C2orf78: variants seen among roughly 807,000 people sequenced by gnomAD.
C2orf78 encodes the protein uncharacterized protein C2orf78.
C2orf78 carries 12 observed loss-of-function variants against 21.4 expected under a neutral mutation model. The observed-to-expected ratio is 0.56, with a 90% CI of 0.36 to 0.91. The LOEUF (loss-of-function observed/expected upper bound fraction) is 0.91. C2orf78 is among the 40% of genes least tolerant of loss of function. The pLI is 0.01. For synonymous variants in C2orf78, 396 were observed against 413.9 expected (o/e 0.96, Z 0.52); for missense variants, 1,042 against 1,092.4 (o/e 0.95, Z 0.65).
chr2:73,815,946 G>T (rs112232290), exon 3 of C2orf78: 1 of 1,613,790 alleles, frequency 6.2e-7, no homozygotes, highest in Non-Finnish European at 8.5e-7. Context: ...AAAGACCAAA[G>T]GGAACAGAAA....
chr2:73,808,856 T>C (rs1673011987), intron 1 of C2orf78: 5 of 1,323,608 alleles, frequency 3.8e-6, no homozygotes, highest in Non-Finnish European at 5.2e-6. Flanking sequence ...CGTCTCTTCT[T>C]CCCTTCTATC....
At chr2:73,809,836 C>T (rs1484723144) in intron 1 of C2orf78, among the ~76,000 whole-genome samples, 1 of 152,018 alleles carries the variant, frequency 6.6e-6, no homozygotes, top group African/African-American at 2.4e-5. Context: ...ACATTCCTAT[C>T]TAAACTAGGT....
In C2orf78 at chr2:73,807,980, G is replaced by T. The variant is rs375420940; in HGVS notation, c.98-5497G>T. Among the ~76,000 whole-genome samples, 5 of 151,132 alleles carry T rather than the reference G, an allele frequency of 3.3e-5. No individual in the cohort carries two copies. In the East Asian group the frequency reaches 9.6e-4, roughly 29 times the overall value. The stretch of plus-strand genomic sequence containing the variant: ...CCCTTAAAATCGGCAGTAGGGCCGG[G>T]TGCGGTGGCTCCCGCCTGTAATCCC... On this transcript the variant is annotated intron_variant, in intron 1 of 2. Coordinates refer to ENST00000409561, the Ensembl canonical transcript of C2orf78.
At position 73,814,035 on chromosome 2, in the gene C2orf78, T is replaced by C. The variant is rs188489910; in HGVS notation, c.656T>C (p.Leu219Pro). The C allele has an allele frequency of 1.9e-6, 3 of 1,614,006 alleles. No individual in the cohort carries two copies. The Admixed American group carries it at 5.0e-5, about 27-fold the overall frequency. Residue 219 changes from leucine to proline, a missense_variant, in exon 2 of 3, where the codon CTG becomes CCG. Transcript: ENST00000409561. ...GTCTATTACTATAATCAAGGCACAC[T>C]GGGGCCTCAACTATCCTGCCTGCAA... is the stretch of plus-strand genomic sequence containing the variant.
chr2:73,810,402 C>T (rs1324868284), intron 1 of C2orf78, among the ~76,000 whole-genome samples: 1 of 151,404 alleles, frequency 6.6e-6, no homozygotes, highest in Admixed American at 6.6e-5. Context: ...TGGCACATGC[C>T]TGTAATCCCA....
chr2:73,809,340 A>G (rs1429215455), intron 1 of C2orf78, among the ~76,000 whole-genome samples: 1 of 152,154 alleles, frequency 6.6e-6, no homozygotes, highest in Non-Finnish European at 1.5e-5. Flanking sequence ...CGTATTTTAA[A>G]TTTAGTGATG....
chr2:73,786,297 T>C (rs917042613), intron 1 of C2orf78, among the ~76,000 whole-genome samples: 1 of 151,466 alleles, frequency 6.6e-6, no homozygotes, highest in African/African-American at 2.4e-5. Flanking sequence ...CAGAATTGCT[T>C]GAACCAGGGA....
rs1673221266 is a variant in C2orf78 at position 73,817,145 on chromosome 2, T to C, written c.*153T>C. On this transcript the variant is annotated 3_prime_UTR_variant, in exon 3 of 3. Coordinates refer to ENST00000409561, the Ensembl canonical transcript of C2orf78. The stretch of plus-strand genomic sequence containing the variant: ...AAGTAATAAAGAGGCCTTTTGAGTT[T>C]TGAGATGCTGTTGACTGTGGGTTTT... 7 of 857,830 alleles carry C rather than the reference T, an allele frequency of 8.2e-6. No individual in the cohort carries two copies. In the South Asian group the frequency reaches 1.1e-4, roughly 13 times the overall value. The allele number at this position is 857,830 out of a possible 1,614,324, so 53.1% of individuals were successfully genotyped here. A position where few individuals can be genotyped will look rare whatever the true frequency, so the allele number is the denominator to read the frequency against.
chr2:73,815,206 C>T, exon 3 of C2orf78: 2 of 1,614,010 alleles, frequency 1.2e-6, no homozygotes, highest in Non-Finnish European at 1.7e-6. Context: ...AGTAACCCAT[C>T]ACCTGAGCTT....
intron 1 of C2orf78, among the ~76,000 whole-genome samples, chr2:73,810,137 G>T (rs1673049118): frequency 6.6e-6 from 1 of 152,128 alleles, no homozygotes; most frequent in African/African-American, 2.4e-5. Flanking sequence ...AGTATCCCTA[G>T]AAAAAGCACC....
At position 73,813,948 on chromosome 2, in the gene C2orf78, T is replaced by C. The variant is rs1434384821; in HGVS notation, c.569T>C (p.Leu190Pro). 1.9e-6 allele frequency: 3 copies of C among 1,614,046 alleles called. No individual in the cohort carries two copies. In the East Asian group the frequency reaches 6.7e-5, roughly 36 times the overall value. Residue 190 changes from leucine to proline, a missense_variant, in exon 2 of 3, where the codon CTA becomes CCA. By Grantham distance (98) the Leu-to-Pro change is moderately conservative (BLOSUM62 -3). Transcript: ENST00000409561. ...TCTGCCAGCCTTGTTCAGGGGACAC[T>C]AACTCAAATTCCAAATCAGCAGGGC...
At chr2:73,786,475 C>T (rs1467861744) in intron 1 of C2orf78, among the ~76,000 whole-genome samples, 1 of 113,302 alleles carries the variant, frequency 8.8e-6, no homozygotes, top group Non-Finnish European at 1.8e-5. Flanking sequence ...TTTCCTCCCC[C>T]AAACCAGCTT....
chr2:73,810,602 T>TATAC (rs1673063034), intron 1 of C2orf78, among the ~76,000 whole-genome samples: 1 of 138,464 alleles, frequency 7.2e-6, no homozygotes, highest in African/African-American at 2.7e-5. Context: ...ATACATAAAA[T>TATAC]ATATATATTT....
intron 2 of C2orf78, 89 bp from the exon 3 acceptor site, chr2:73,814,982 A>G (rs1258674054): frequency 5.3e-6 from 7 of 1,314,450 alleles, no homozygotes; most frequent in African/African-American, 1.5e-5. Context: ...TGCCTTGCCC[A>G]TGTTGGAAAG....
chr2:73,784,199 G>A (rs1672876923), exon 1 of C2orf78: 20 of 1,506,174 alleles, frequency 1.3e-5, no homozygotes, highest in Non-Finnish European at 1.8e-5. Flanking sequence ...CCACCAAACC[G>A]ACCACCACCT....
chr2:73,815,905 G>A (rs752768790), exon 3 of C2orf78: 4 of 1,613,568 alleles, frequency 2.5e-6, no homozygotes, highest in Non-Finnish European at 3.4e-6. Flanking sequence ...GCATCCAGCA[G>A]GATCAGCAAA....
intron 1 of C2orf78, 45 bp downstream of exon 1, chr2:73,784,451 G>A (rs1393863312): frequency 4.8e-6 from 3 of 620,392 alleles, no homozygotes; most frequent in Non-Finnish European, 5.6e-6. Context: ...AGATTTCTTT[G>A]CCACTAAATT....
intron 1 of C2orf78, 139 bp from the exon 2 acceptor site, chr2:73,813,338 G>GT: frequency 1.2e-6 from 1 of 852,880 alleles, no homozygotes; most frequent in Non-Finnish European, 1.8e-6. Flanking sequence ...ATCATAAACT[G>GT]TTTGGCTTTT....
intron 1 of C2orf78, among the ~76,000 whole-genome samples, chr2:73,810,835 A>G (rs1157287349): frequency 7.4e-6 from 1 of 135,536 alleles, no homozygotes; most frequent in African/African-American, 2.8e-5. Flanking sequence ...CATGTATGTT[A>G]TATATATTAC....
Sources: allele counts gnomAD v4.1 joint callset (sites outside exome capture counted in the v4.1 genomes callset), GRCh38; gene constraint gnomAD v4.1.1; transcripts MANE v1.5; gene names NCBI Gene and HGNC (gene_info 2026-07-23, HGNC 2026-07-21).